TEAD1: variants seen among roughly 807,000 people sequenced by gnomAD.
The protein encoded by TEAD1 is TEA domain transcription factor 1, also known as transcriptional enhancer factor TEF-1.
Under a neutral mutation model 54.9 loss-of-function variants are expected in TEAD1, and 9 were observed. The observed-to-expected ratio is 0.16, with a 90% CI of 0.10 to 0.29. TEAD1 has a LOEUF of 0.29. Ranked by LOEUF, TEAD1 falls within the 10% of genes least tolerant of loss-of-function variation. The pLI is 1.00. For missense variants in TEAD1, 387 were observed against 535.9 expected, an observed-to-expected ratio of 0.72 and a Z score of 2.74; for synonymous variants, 200 against 187.8, an observed-to-expected ratio of 1.07 and a Z score of -0.53.
At chr11:12,684,129 G>A (rs1236594385) in intron 2 of TEAD1, among the ~76,000 whole-genome samples, 1 of 152,114 alleles carries the variant, frequency 6.6e-6, no homozygotes, top group African/African-American at 2.4e-5. Flanking sequence ...CGGATTCCTG[G>A]TCTCAGGCAA....
chr11:12,757,903 C>T (rs1945016386), intron 2 of TEAD1, among the ~76,000 whole-genome samples: 2 of 152,048 alleles, frequency 1.3e-5, no homozygotes, highest in African/African-American at 2.4e-5. Flanking sequence ...TCTCAGCCTC[C>T]CAAGTAGCTG....
intron 3 of TEAD1, among the ~76,000 whole-genome samples, chr11:12,852,446 T>A (rs1947295459): frequency 8.1e-6 from 1 of 122,922 alleles, no homozygotes; most frequent in South Asian, 2.8e-4. Context: ...TCATCTTTTT[T>A]TCCTTTTTTT....
chr11:12,781,393 GA>G lies in TEAD1; in HGVS notation c.202+16961del, dbSNP rs796183832. On this transcript the variant is annotated intron_variant, in intron 3 of 12. Coordinates refer to ENST00000527636, the MANE Select transcript of TEAD1 (RefSeq NM_021961.6). The stretch of plus-strand genomic sequence containing the variant: ...CAAGAAAATGAAAAGGCAATCCAGA[GA>G]ACAGGAGAAGATATTTTCAAATCAT... Among the ~76,000 whole-genome samples the G allele has an allele frequency of 4.0e-4, 61 of 152,082 alleles. 2 individuals carry two copies. The highest frequency in any genetic ancestry group is 1.4e-3 in the African/African-American group (58 of 41,468).
intron 3 of TEAD1, among the ~76,000 whole-genome samples, chr11:12,843,188 G>A (rs147751849): frequency 1.2e-3 from 184 of 152,288 alleles, no homozygotes; most frequent in Non-Finnish European, 2.1e-3. Context: ...TTGGGAGGGT[G>A]CACATAGATC....
Position 12,883,014 on chromosome 11 carries a change from A to G in TEAD1, c.588A>G (p.Ala196=), listed in dbSNP as rs756756142. ...TTGCTCTTTCAGGGTTTGAGCCTGCATCGGCCCCAGCTCCCTCAGTCCCTG... is the reference window on the plus strand; with the variant it reads ...TTGCTCTTTCAGGGTTTGAGCCTGCGTCGGCCCCAGCTCCCTCAGTCCCTG... Residue 196 remains alanine (A), a synonymous_variant, in exon 9 of 13, where the codon GCA becomes GCG. Coordinates refer to ENST00000527636, the MANE Select transcript of TEAD1 (RefSeq NM_021961.6). 2 of 1,614,154 alleles carry G rather than the reference A, an allele frequency of 1.2e-6. No homozygotes were observed. The highest frequency in any genetic ancestry group is 1.7e-5 in the Admixed American group (1 of 60,018).
At chr11:12,803,078 C>T (rs1294349419) in intron 3 of TEAD1, among the ~76,000 whole-genome samples, 1 of 151,258 alleles carries the variant, frequency 6.6e-6, no homozygotes, top group Non-Finnish European at 1.5e-5. Flanking sequence ...ACAGAAGTTG[C>T]GCCTGCCTAA....
chr11:12,702,324 C>A (rs927544124), intron 2 of TEAD1, among the ~76,000 whole-genome samples: 2 of 152,138 alleles, frequency 1.3e-5, no homozygotes, highest in South Asian at 2.1e-4. Flanking sequence ...TCGTGGACAA[C>A]GTTAAGTGGA....
chr11:12,783,194 T>C (rs1294586272), intron 3 of TEAD1, among the ~76,000 whole-genome samples: 1 of 111,184 alleles, frequency 9.0e-6, no homozygotes, highest in African/African-American at 2.7e-5. Flanking sequence ...TTTTGTGCCT[T>C]TTTTTTTTTT....
At chr11:12,839,761 A>G (rs1393720838) in intron 3 of TEAD1, among the ~76,000 whole-genome samples, 1 of 152,160 alleles carries the variant, frequency 6.6e-6, no homozygotes, top group Non-Finnish European at 1.5e-5. Flanking sequence ...TAAAAGATGA[A>G]TAGAAATTTG....
Position 12,909,565 on chromosome 11 carries a change from A to G in TEAD1, c.873+7452A>G, listed in dbSNP as rs531814980. 6.6e-5 allele frequency among the ~76,000 whole-genome samples: 10 copies of G among 152,250 alleles called. No homozygotes were observed. The South Asian group carries it at 8.3e-4, about 13-fold the overall frequency. On this transcript the variant is annotated intron_variant, in intron 10 of 12. Coordinates refer to ENST00000527636, the MANE Select transcript of TEAD1 (RefSeq NM_021961.6). ...GGGAGGGAACTTAGAGGACAGGTCA[A>G]TAGGTGCCACAGACCACCATGGCAC...
chr11:12,764,626 A>G (rs1390275804), intron 3 of TEAD1, among the ~76,000 whole-genome samples, 192 bp downstream of exon 3: 1 of 152,062 alleles, frequency 6.6e-6, no homozygotes, highest in Non-Finnish European at 1.5e-5. Flanking sequence ...TGGGAAAAAG[A>G]AAAGGACCCC....
chr11:12,709,339 A>C (rs529949229), intron 2 of TEAD1, among the ~76,000 whole-genome samples: 2 of 138,746 alleles, frequency 1.4e-5, no homozygotes. Context: ...TTCTCTCTCA[A>C]AAAAAATAAA....
rs116621143 is a variant in TEAD1, at chr11:12,715,297, T to C, written c.-55+39736T>C. On this transcript the variant is annotated intron_variant, in intron 2 of 12. Transcript: ENST00000527636. Reference sequence around the variant, plus strand: ...GGGATGGAAAAGCCTCGTGACCCAGTGTAACCAGCAGAACAGGCATCAGGG... The same window carrying C: ...GGGATGGAAAAGCCTCGTGACCCAGCGTAACCAGCAGAACAGGCATCAGGG... 7.9e-3 allele frequency among the ~76,000 whole-genome samples: 1,208 copies of C among 151,998 alleles called. 19 individuals carry two copies. Among genetic ancestry groups the C allele is most frequent in the African/African-American group, 0.028 (1,156 of 41,370 alleles).
intron 5 of TEAD1, among the ~76,000 whole-genome samples, chr11:12,876,193 A>G (rs1444677313): frequency 2.0e-5 from 3 of 152,202 alleles, no homozygotes; most frequent in Admixed American, 6.5e-5. Context: ...GAAAAAGATC[A>G]TGTTCTGAAG....
At chr11:12,831,956 A>C (rs2134018646) in intron 3 of TEAD1, among the ~76,000 whole-genome samples, 1 of 152,188 alleles carries the variant, frequency 6.6e-6, no homozygotes, top group Admixed American at 6.5e-5. Context: ...TGCTCTCAAC[A>C]GGTATTAAGA....
At chr11:12,840,442 C>T (rs1947010980) in intron 3 of TEAD1, among the ~76,000 whole-genome samples, 2 of 152,074 alleles carry the variant, frequency 1.3e-5, no homozygotes, top group South Asian at 4.2e-4. Flanking sequence ...TAAATATAAC[C>T]TCCTATAATT....
In TEAD1 at chr11:12,805,780, G is replaced by C. The variant is rs577082906; in HGVS notation, c.202+41346G>C. ...AGGTACAGAAACTAGCTGAAGCATTGATTGATACACCTTGTACCTTCCAAA... is the reference window on the plus strand; with the variant it reads ...AGGTACAGAAACTAGCTGAAGCATTCATTGATACACCTTGTACCTTCCAAA... On this transcript the variant is annotated intron_variant, in intron 3 of 12. Transcript: ENST00000527636. 7.9e-5 allele frequency among the ~76,000 whole-genome samples: 12 copies of C among 152,310 alleles called. 1 individual carries two copies. The South Asian group carries it at 2.5e-3, about 32-fold the overall frequency.
chr11:12,690,159 G>A (rs979819106), intron 2 of TEAD1, among the ~76,000 whole-genome samples: 12 of 150,840 alleles, frequency 8.0e-5, no homozygotes, highest in South Asian at 4.2e-4. Context: ...GGAGAATGGC[G>A]TGAACCCAGG....
At chr11:12,794,209 G>C (rs1483874558) in intron 3 of TEAD1, among the ~76,000 whole-genome samples, 1 of 152,150 alleles carries the variant, frequency 6.6e-6, no homozygotes, top group Non-Finnish European at 1.5e-5. Context: ...ATTTTATGCG[G>C]TCCATTTGGC....
Sources: allele counts gnomAD v4.1 joint callset (sites outside exome capture counted in the v4.1 genomes callset), GRCh38; gene constraint gnomAD v4.1.1; transcripts MANE v1.5; gene names NCBI Gene and HGNC (gene_info 2026-07-23, HGNC 2026-07-21).